The following PIP5K1B variants were observed in gnomAD, a reference collection of about 807,000 sequenced individuals.
The protein encoded by PIP5K1B is phosphatidylinositol-4-phosphate 5-kinase type 1 beta, also known as phosphatidylinositol 4-phosphate 5-kinase type-1 beta.
PIP5K1B carries 42 observed loss-of-function variants against 67.0 expected under a neutral mutation model. The observed-to-expected ratio is 0.63, with a 90% confidence interval of 0.49 to 0.81. PIP5K1B has a LOEUF of 0.81. Among genes scored for constraint, PIP5K1B ranks in the 30% least tolerant of loss-of-function variants. The pLI is 0.00. For missense variants in PIP5K1B, 459 were observed against 646.3 expected (o/e 0.71, Z 3.14); for synonymous variants, 214 against 231.4 (o/e 0.92, Z 0.68).
At chr9:68,747,462 C>T (rs1238933553) in intron 2 of PIP5K1B, among the ~76,000 whole-genome samples, 2 of 151,798 alleles carry the variant, frequency 1.3e-5, no homozygotes, top group African/African-American at 2.4e-5. Context: ...ATTATTTACA[C>T]TAATAATAAT....
At chr9:68,951,029 G>A (rs1828040236) in intron 14 of PIP5K1B, among the ~76,000 whole-genome samples, 5 of 152,168 alleles carry the variant, frequency 3.3e-5, no homozygotes, top group Admixed American at 3.3e-4. Context: ...GATAGTTATG[G>A]GTGCAGGAGA....
At chr9:68,991,879 A>G (rs1830380745) in intron 15 of PIP5K1B, among the ~76,000 whole-genome samples, 1 of 152,126 alleles carries the variant, frequency 6.6e-6, no homozygotes, top group African/African-American at 2.4e-5. Flanking sequence ...CTAGAAAGAT[A>G]CCCTGATGGG....
chr9:68,769,724 C>A (rs750968888), intron 2 of PIP5K1B, among the ~76,000 whole-genome samples: 86 of 152,098 alleles, frequency 5.7e-4, no homozygotes, highest in Non-Finnish European at 1.1e-3. Context: ...TTTTTCTTAC[C>A]TCTAGTTATT....
intron 1 of PIP5K1B, among the ~76,000 whole-genome samples, chr9:68,740,710 A>C (rs1440073662): frequency 6.6e-6 from 1 of 152,222 alleles, no homozygotes; most frequent in Non-Finnish European, 1.5e-5. Context: ...TTATTTAGTG[A>C]GAAATATAGG....
chr9:68,710,443 A>G (rs2132234572), intron 1 of PIP5K1B, among the ~76,000 whole-genome samples: 1 of 152,278 alleles, frequency 6.6e-6, no homozygotes, highest in South Asian at 2.1e-4. Flanking sequence ...TGTGTCGTAA[A>G]CAATCAGCTG....
intron 14 of PIP5K1B, among the ~76,000 whole-genome samples, chr9:68,955,035 A>G (rs1828314192): frequency 6.6e-6 from 1 of 152,050 alleles, no homozygotes. Context: ...AATGGTATTC[A>G]ATGAAAAATC....
intron 6 of PIP5K1B, among the ~76,000 whole-genome samples, chr9:68,881,262 GA>G (rs1482266898): frequency 5.3e-5 from 8 of 152,198 alleles, no homozygotes; most frequent in Non-Finnish European, 1.2e-4. Flanking sequence ...ATTGACCTGT[GA>G]TTGTCCATTC....
At chr9:68,780,087 C>CATCAAAAAA in intron 2 of PIP5K1B, 2 of 1,411,344 alleles carry the variant, frequency 1.4e-6, no homozygotes, top group South Asian at 1.7e-5. Context: ...GCGGCGGCAG[C>CATCAAAAAA]GGCGGCGGCC....
At chr9:68,917,895 G>C in intron 9 of PIP5K1B, 136 bp downstream of exon 9, 1 of 634,558 alleles carries the variant, frequency 1.6e-6, no homozygotes, top group Non-Finnish European at 2.8e-6. Flanking sequence ...GGGTTAAACT[G>C]GTCTCCATTT....
At chr9:68,981,880 A>G (rs1272343504) in intron 14 of PIP5K1B, among the ~76,000 whole-genome samples, 1 of 152,176 alleles carries the variant, frequency 6.6e-6, no homozygotes, top group Non-Finnish European at 1.5e-5. Context: ...ACAGCCAGGA[A>G]GAAAAATCGC....
intron 8 of PIP5K1B, among the ~76,000 whole-genome samples, chr9:68,916,741 G>A (rs550595186): frequency 3.5e-4 from 53 of 152,006 alleles, no homozygotes; most frequent in East Asian, 7.7e-4. Context: ...GTGTGGTGGC[G>A]GGCACCTGTA....
intron 14 of PIP5K1B, among the ~76,000 whole-genome samples, chr9:68,981,935 G>A (rs1310950746): frequency 6.6e-6 from 1 of 152,144 alleles, no homozygotes; most frequent in Non-Finnish European, 1.5e-5. Context: ...TGACTTGTTC[G>A]GAGAGCAGAG....
At chr9:68,867,857 T>A (rs1823438378) in intron 5 of PIP5K1B, among the ~76,000 whole-genome samples, 1 of 152,208 alleles carries the variant, frequency 6.6e-6, no homozygotes, top group Non-Finnish European at 1.5e-5. Flanking sequence ...ATCTGGGTCA[T>A]AGAACTAATT....
At chr9:68,996,184 GA>G (rs1264229699) in intron 15 of PIP5K1B, among the ~76,000 whole-genome samples, 3 of 152,148 alleles carry the variant, frequency 2.0e-5, no homozygotes, top group African/African-American at 7.2e-5. Flanking sequence ...TCCTTTTAAG[GA>G]TCCATCCACA....
intron 5 of PIP5K1B, among the ~76,000 whole-genome samples, chr9:68,875,295 CAAAAAAAAAAAAAAAAAAAA>C (rs147022066): frequency 2.2e-5 from 1 of 44,844 alleles, no homozygotes; most frequent in Admixed American, 3.9e-4. Flanking sequence ...TGGTACTCAG[CAAAAAAAAAAAAAAAAAAAA>C]AAAAAAAAAA....
chr9:68,799,719 A>C (rs1587470215), intron 2 of PIP5K1B, among the ~76,000 whole-genome samples: 1 of 152,338 alleles, frequency 6.6e-6, no homozygotes, highest in East Asian at 1.9e-4. Context: ...CTTTTATATC[A>C]GACGCAAAAC....
chr9:68,936,167 C>A (rs7023844), intron 13 of PIP5K1B, among the ~76,000 whole-genome samples: 1 of 151,926 alleles, frequency 6.6e-6, no homozygotes, highest in Non-Finnish European at 1.5e-5. Context: ...AGACTTCACA[C>A]CCTTTTTGTC....
rs139626456 is a variant in PIP5K1B, at chr9:68,948,383, G to A, written c.1502+7593G>A. 6.6e-3 allele frequency among the ~76,000 whole-genome samples: 1,004 copies of A among 152,242 alleles called. 13 individuals are homozygous for A. Among genetic ancestry groups the A allele is most frequent in the African/African-American group, 0.023 (960 of 41,534 alleles). On this transcript the variant is annotated intron_variant, in intron 14 of 15. Transcript: ENST00000265382. ...GTGATGGCTCATGCCTCTAATCCCAGCACTGTGGGAGGTGAGGCAGGAAGA... is the reference window on the plus strand; with the variant it reads ...GTGATGGCTCATGCCTCTAATCCCAACACTGTGGGAGGTGAGGCAGGAAGA...
chr9:68,923,160 A>G (rs1362717107), intron 11 of PIP5K1B, 142 bp from the exon 12 acceptor site: 5 of 651,628 alleles, frequency 7.7e-6, no homozygotes, highest in South Asian at 1.8e-5. Context: ...CCCACGGGCT[A>G]CAGGACATTC....
Sources: allele counts gnomAD v4.1 joint callset (sites outside exome capture counted in the v4.1 genomes callset), GRCh38; gene constraint gnomAD v4.1.1; transcripts MANE v1.5; gene names NCBI Gene and HGNC (gene_info 2026-07-23, HGNC 2026-07-21).